ANO4: variants seen among roughly 807,000 people sequenced by gnomAD.
The protein encoded by ANO4 is anoctamin-4.
In ANO4, 69 loss-of-function variants were observed where a neutral mutation model predicts 141.9. The observed-to-expected ratio is 0.49, with a 90% CI of 0.40 to 0.59. ANO4 has a LOEUF of 0.59. Among genes scored for constraint, ANO4 ranks in the 20% least tolerant of loss-of-function variants. The pLI, the probability that ANO4 is intolerant of heterozygous loss-of-function variation, is 0.00. For missense variants in ANO4, 894 were observed against 1,162.2 expected (o/e 0.77, Z 3.36); for synonymous variants, 350 against 394.3 (o/e 0.89, Z 1.33).
intron 2 of ANO4, among the ~76,000 whole-genome samples, chr12:100,902,221 T>C (rs113610029): frequency 2.6e-5 from 4 of 152,284 alleles, no homozygotes; most frequent in African/African-American, 9.6e-5. Context: ...AAACACCCAC[T>C]TTGAAACCTA....
In ANO4 at chr12:101,020,130, A is replaced by G; in HGVS notation, c.831A>G (p.Lys277=). 1 of 1,602,870 alleles carries G rather than the reference A, an allele frequency of 6.2e-7. No individual in the cohort carries two copies. The highest frequency in any genetic ancestry group is 1.1e-5 in the South Asian group (1 of 90,734). ...AAAGAATAAAATATGAAGAAGGAAAAAACAAGATTGGTAAGTAGTATGTTA... is the reference window on the plus strand; with the variant it reads ...AAAGAATAAAATATGAAGAAGGAAAGAACAAGATTGGTAAGTAGTATGTTA... ...ILQRIKYEEG[K]NKIGLNRLLT... is the part of the protein sequence containing the mutation. The change falls in exon 9 of 28, where the codon AAA becomes AAG. Residue 277 remains lysine, a synonymous_variant. Coordinates refer to ENST00000392977, the MANE Select transcript of ANO4 (RefSeq NM_001286615.2).
chr12:100,945,026 A>G (rs1157556312), intron 5 of ANO4, among the ~76,000 whole-genome samples: 1 of 152,214 alleles, frequency 6.6e-6, no homozygotes, highest in Non-Finnish European at 1.5e-5. Context: ...TAAAATGAAG[A>G]ACTTAGTTCA....
At chr12:101,099,823 G>C (rs2136961472) in intron 22 of ANO4, 103 bp downstream of exon 22, 1 of 917,776 alleles carries the variant, frequency 1.1e-6, no homozygotes, top group East Asian at 2.9e-5. Flanking sequence ...CAGTGCGTAG[G>C]GATTCCTAAG....
At chr12:100,776,264 C>T (rs1448930359) in intron 3 of ANO4, among the ~76,000 whole-genome samples, 1 of 152,156 alleles carries the variant, frequency 6.6e-6, no homozygotes, top group East Asian at 1.9e-4. Context: ...GTCCTGGATG[C>T]CCAGGTTCCC....
intron 7 of ANO4, among the ~76,000 whole-genome samples, chr12:100,981,915 C>T (rs2044480632): frequency 6.6e-6 from 1 of 152,112 alleles, no homozygotes; most frequent in Non-Finnish European, 1.5e-5. Flanking sequence ...GCTGAGGGAA[C>T]TGAGGGTCAA....
At chr12:101,111,741 T>G (rs373044934) in intron 24 of ANO4, 31 bp downstream of exon 24, 6 of 1,533,018 alleles carry the variant, frequency 3.9e-6, no homozygotes, top group Non-Finnish European at 5.3e-6. Flanking sequence ...CTATACAGTT[T>G]CTATTTCCTA....
At chr12:101,085,809 T>C (rs1279447935) in intron 16 of ANO4, among the ~76,000 whole-genome samples, 2 of 152,264 alleles carry the variant, frequency 1.3e-5, no homozygotes, top group East Asian at 3.9e-4. Flanking sequence ...TTACTATGCA[T>C]CTGTAATTAT....
intron 1 of ANO4, among the ~76,000 whole-genome samples, chr12:100,893,807 G>T (rs1472861128): frequency 6.6e-6 from 1 of 152,040 alleles, no homozygotes; most frequent in Non-Finnish European, 1.5e-5. Flanking sequence ...GATAGAATTT[G>T]GTCGCAGGGG....
chr12:100,972,397 T>G (rs1238940336), intron 6 of ANO4, among the ~76,000 whole-genome samples: 1 of 152,222 alleles, frequency 6.6e-6, no homozygotes, highest in Non-Finnish European at 1.5e-5. Flanking sequence ...GCATCTTATC[T>G]TCTTTGTTCA....
intron 1 of ANO4, among the ~76,000 whole-genome samples, chr12:100,812,511 C>T (rs2035503568): frequency 6.6e-6 from 1 of 151,952 alleles, no homozygotes; most frequent in African/African-American, 2.4e-5. Context: ...AATGTGTATA[C>T]ATACATAATA....
At chr12:100,753,810 G>T (rs1330247665) in intron 3 of ANO4, among the ~76,000 whole-genome samples, 2 of 152,142 alleles carry the variant, frequency 1.3e-5, no homozygotes, top group Admixed American at 6.5e-5. Context: ...ATAGCCTTTT[G>T]TTCCGACTTT....
intron 24 of ANO4, among the ~76,000 whole-genome samples, chr12:101,114,434 C>T (rs1019501710): frequency 6.6e-6 from 1 of 152,106 alleles, no homozygotes; most frequent in Non-Finnish European, 1.5e-5. Flanking sequence ...ATGCTTTGCA[C>T]TCAGGAGTAA....
At chr12:100,835,834 G>A (rs893765514) in intron 1 of ANO4, among the ~76,000 whole-genome samples, 2 of 151,992 alleles carry the variant, frequency 1.3e-5, no homozygotes, top group East Asian at 1.9e-4. Context: ...AATACTGAGT[G>A]GCTTCTTCCA....
intron 6 of ANO4, among the ~76,000 whole-genome samples, chr12:100,974,432 A>G (rs972512539): frequency 3.9e-5 from 6 of 152,110 alleles, no homozygotes; most frequent in African/African-American, 1.4e-4. Context: ...AAAATGCTAT[A>G]TAAATATTAG....
At chr12:101,080,885 ATAT>A (rs1166016948) in intron 15 of ANO4, among the ~76,000 whole-genome samples, 4 of 72,482 alleles carry the variant, frequency 5.5e-5, no homozygotes, top group African/African-American at 1.4e-4. Flanking sequence ...TATATATATT[ATAT>A]ATATATATAT....
chr12:101,098,024 A>T, intron 21 of ANO4, 79 bp downstream of exon 21: 1 of 1,303,432 alleles, frequency 7.7e-7, no homozygotes, highest in Non-Finnish European at 1.1e-6. Context: ...TAAGATAAGC[A>T]ATGCAGACTC....
At chr12:101,104,401 T>C (rs1378109751) in intron 22 of ANO4, among the ~76,000 whole-genome samples, 2 of 151,554 alleles carry the variant, frequency 1.3e-5, no homozygotes, top group Non-Finnish European at 3.0e-5. Context: ...CAAGTTTTTA[T>C]ATATTGATTT....
intron 6 of ANO4, among the ~76,000 whole-genome samples, chr12:100,973,479 T>A (rs1338917192): frequency 6.6e-6 from 1 of 152,208 alleles, no homozygotes; most frequent in Admixed American, 6.5e-5. Flanking sequence ...AATAGATTTC[T>A]TATGAGAAAT....
At chr12:100,799,270 G>A (rs2034536096) in intron 1 of ANO4, among the ~76,000 whole-genome samples, 1 of 152,104 alleles carries the variant, frequency 6.6e-6, no homozygotes, top group South Asian at 2.1e-4. Context: ...AGACATTCCT[G>A]GAGGGAGTAG....
Sources: allele counts gnomAD v4.1 joint callset (sites outside exome capture counted in the v4.1 genomes callset), GRCh38; gene constraint gnomAD v4.1.1; transcripts MANE v1.5; gene names NCBI Gene and HGNC (gene_info 2026-07-23, HGNC 2026-07-21).